The following TMEM87B variants were observed in gnomAD, a reference collection of about 807,000 sequenced individuals.
TMEM87B encodes the protein transmembrane protein 87B.
In TMEM87B, 83 loss-of-function variants were observed where a neutral mutation model predicts 80.3. The observed-to-expected ratio is 1.03, with a 90% CI of 0.87 to 1.24. The LOEUF (loss-of-function observed/expected upper bound fraction) is 1.24, where lower values mean the gene tolerates loss of function less well. Ranked by LOEUF, TMEM87B falls within the 50% of genes most tolerant of loss-of-function variation. The pLI is 0.00. For synonymous variants in TMEM87B, 219 were observed against 230.5 expected (o/e 0.95, Z 0.45); for missense variants, 625 against 674.4 (o/e 0.93, Z 0.81).
intron 8 of TMEM87B, 109 bp from the exon 9 acceptor site, chr2:112,085,896 T>C: frequency 1.3e-6 from 1 of 781,664 alleles, no homozygotes; most frequent in South Asian, 1.9e-5. Context: ...ATGTGGCTGA[T>C]TGGTCTGAAG....
At chr2:112,081,740 C>T (rs950322992) in intron 8 of TMEM87B, among the ~76,000 whole-genome samples, 3 of 152,312 alleles carry the variant, frequency 2.0e-5, no homozygotes, top group African/African-American at 7.2e-5. Flanking sequence ...AATTTCCCCT[C>T]ACTTTCCTCC....
In TMEM87B at chr2:112,055,762, T is replaced by C. The variant is rs757097836; in HGVS notation, c.165+6T>C. On this transcript the variant is annotated splice_donor_region_variant and intron_variant, in intron 1 of 18. Transcript: ENST00000283206. The stretch of plus-strand genomic sequence containing the variant: ...GGTTAGAGACAGTCAACGACGTAAG[T>C]GGAGTGTCGGGACCCAGGCGTGGCA... The C allele has an allele frequency of 6.8e-6, 10 of 1,473,344 alleles. No individual in the cohort carries two copies. The highest frequency in any genetic ancestry group is 8.1e-6 in the Non-Finnish European group (9 of 1,114,436). The allele number at this position is 1,473,344 out of a possible 1,614,324, so 91.3% of individuals were successfully genotyped here.
At chr2:112,110,792 T>C (rs1047111493) in intron 17 of TMEM87B, among the ~76,000 whole-genome samples, 10 of 152,046 alleles carry the variant, frequency 6.6e-5, no homozygotes, top group African/African-American at 2.4e-4. Context: ...CTCCAAGGAA[T>C]ATTCTTCTTT....
chr2:112,100,773 G>A, intron 15 of TMEM87B, 78 bp downstream of exon 15: 1 of 851,826 alleles, frequency 1.2e-6, no homozygotes, highest in Non-Finnish European at 1.8e-6. Context: ...CGTGATGCAA[G>A]GTCACATATA....
intron 6 of TMEM87B, among the ~76,000 whole-genome samples, chr2:112,077,954 C>A (rs1004633659): frequency 6.6e-6 from 1 of 152,204 alleles, no homozygotes; most frequent in Middle Eastern, 3.2e-3. Context: ...CATGTGAGGG[C>A]CCTGGGGATT....
chr2:112,078,598 A>T (rs539325716), intron 6 of TMEM87B, among the ~76,000 whole-genome samples: 1 of 152,300 alleles, frequency 6.6e-6, no homozygotes, highest in South Asian at 2.1e-4. Flanking sequence ...TGAATTTTTG[A>T]GGACATTCAG....
In TMEM87B at chr2:112,055,696, G is replaced by C; in HGVS notation, c.105G>C (p.Trp35Cys). 6.4e-7 allele frequency: 1 copy of C among 1,557,884 alleles called. No homozygotes were observed. Among genetic ancestry groups the C allele is most frequent in the Non-Finnish European group, 8.6e-7 (1 of 1,158,390 alleles). The change falls in exon 1 of 19, where the codon TGG becomes TGC. Residue 35 changes from tryptophan (W) to cysteine (C), a missense_variant. By Grantham distance (215) the Trp-to-Cys change is radical. Transcript: ENST00000283206. Reference protein sequence around the residue: ...LLRVALCLLCWTPAAVRAVPE... With the variant: ...LLRVALCLLCCTPAAVRAVPE... ...GCGTCGCCCTCTGCCTCCTGTGCTG[G>C]ACCCCGGCGGCTGTGCGCGCGGTCC... is the stretch of plus-strand genomic sequence containing the variant.
At chr2:112,102,047 A>G (rs560323343) in intron 15 of TMEM87B, among the ~76,000 whole-genome samples, 98 of 152,350 alleles carry the variant, frequency 6.4e-4, no homozygotes, top group African/African-American at 2.1e-3. Context: ...ACCAGGCCCA[A>G]ATGATTCACT....
At chr2:112,062,232 G>C (rs2104454806) in intron 2 of TMEM87B, among the ~76,000 whole-genome samples, 1 of 152,322 alleles carries the variant, frequency 6.6e-6, no homozygotes, top group African/African-American at 2.4e-5. Flanking sequence ...TGGTCCCTTG[G>C]ATATATGTCG....
chr2:112,096,166 G>A lies in TMEM87B; in HGVS notation c.1105-878G>A, dbSNP rs190041519. 1.2e-3 allele frequency among the ~76,000 whole-genome samples: 179 copies of A among 152,168 alleles called. 2 individuals carry two copies. The highest frequency in any genetic ancestry group is 3.4e-3 in the African/African-American group (142 of 41,504). On this transcript the variant is annotated intron_variant, in intron 11 of 18. Coordinates refer to ENST00000283206, the MANE Select transcript of TMEM87B (RefSeq NM_032824.3). ...TCTGAGTTCCCATTCCTTGCATCACGAATAATTAGATGAACTCTTTATATC... is the reference window on the plus strand; with the variant it reads ...TCTGAGTTCCCATTCCTTGCATCACAAATAATTAGATGAACTCTTTATATC...
intron 4 of TMEM87B, among the ~76,000 whole-genome samples, chr2:112,069,794 G>A (rs1375555117): frequency 3.9e-5 from 6 of 152,212 alleles, no homozygotes; most frequent in African/African-American, 1.4e-4. Context: ...CACCAGCAGT[G>A]TATAAGCATT....
At position 112,055,512 on chromosome 2, in the gene TMEM87B, C is replaced by A; in HGVS notation, c.-80C>A. The A allele has an allele frequency of 7.2e-7, 1 of 1,382,104 alleles. No individual in the cohort carries two copies. Among genetic ancestry groups the A allele is most frequent in the Non-Finnish European group, 9.4e-7 (1 of 1,069,168 alleles). 85.6% of individuals were successfully genotyped at this position (1,382,104 alleles called of 1,614,324 possible). On this transcript the variant is annotated 5_prime_UTR_variant, in exon 1 of 19. Transcript: ENST00000283206. ...CCGAGCCCCGCGTCCCGGATTCGGA[C>A]CCGCCTGCCTGGGGCGGTGCTGCAC...
chr2:112,065,645 A>C (rs1678405440), intron 3 of TMEM87B, among the ~76,000 whole-genome samples: 1 of 85,206 alleles, frequency 1.2e-5, no homozygotes, highest in Non-Finnish European at 2.3e-5. Flanking sequence ...CTTGTCTTCA[A>C]AAAAAAAAAA....
chr2:112,062,985 A>G (rs1418994416), intron 2 of TMEM87B, among the ~76,000 whole-genome samples: 1 of 152,112 alleles, frequency 6.6e-6, no homozygotes, highest in Non-Finnish European at 1.5e-5. Context: ...CTTTCTCTTT[A>G]TGTAGCTTCC....
At chr2:112,069,562 T>C (rs1678563127) in intron 4 of TMEM87B, among the ~76,000 whole-genome samples, 1 of 152,372 alleles carries the variant, frequency 6.6e-6, no homozygotes, top group South Asian at 2.1e-4. Context: ...TTATCCAGTC[T>C]ACCATTGATG....
chr2:112,073,235 C>T (rs1678710984), intron 4 of TMEM87B, among the ~76,000 whole-genome samples: 1 of 152,054 alleles, frequency 6.6e-6, no homozygotes, highest in Non-Finnish European at 1.5e-5. Flanking sequence ...TCACTGTGGG[C>T]GTTTAGTGCT....
At chr2:112,098,574 C>T (rs1193229616) in intron 13 of TMEM87B, 21 bp from the exon 14 acceptor site, 2 of 1,611,452 alleles carry the variant, frequency 1.2e-6, no homozygotes, top group African/African-American at 1.3e-5. Flanking sequence ...ACGTTTCATG[C>T]TTGAATTGTC....
At chr2:112,081,799 A>C (rs1346773495) in intron 8 of TMEM87B, among the ~76,000 whole-genome samples, 1 of 152,244 alleles carries the variant, frequency 6.6e-6, no homozygotes, top group African/African-American at 2.4e-5. Flanking sequence ...GGATTAAAAC[A>C]GCACAAAGTT....
At chr2:112,057,180 A>G (rs2104449646) in intron 1 of TMEM87B, among the ~76,000 whole-genome samples, 1 of 152,276 alleles carries the variant, frequency 6.6e-6, no homozygotes, top group East Asian at 1.9e-4. Flanking sequence ...CCAAGAGTGG[A>G]CTTATATTTT....
Sources: gnomAD v4.1 joint callset for allele counts (sites outside exome capture counted in the v4.1 genomes callset) on GRCh38, gnomAD v4.1.1 for gene constraint, MANE v1.5 for transcripts, NCBI Gene and HGNC (gene_info 2026-07-23, HGNC 2026-07-21) for gene names.